SUGCT: variants seen among roughly 807,000 people sequenced by gnomAD.
The protein encoded by SUGCT is succinyl-CoA:glutarate-CoA transferase.
In SUGCT, 41 loss-of-function variants were observed where a neutral mutation model predicts 55.0. The ratio of observed to expected loss-of-function variants is 0.74; its 90% CI spans 0.58 to 0.97. SUGCT has a LOEUF of 0.97. SUGCT is among the 50% of genes least tolerant of loss of function. The pLI is 0.00. For synonymous variants in SUGCT, 187 were observed against 200.4 expected (o/e 0.93, Z 0.56); for missense variants, 568 against 547.8 (o/e 1.04, Z -0.37).
chr7:41,013,089 G>A, the SUGCT span, among the ~76,000 whole-genome samples: 3 of 151,496 alleles, frequency 2.0e-5, no homozygotes, highest in South Asian at 2.1e-4. Flanking sequence ...TAAATAAGAA[G>A]TCCACTTATG....
At chr7:40,658,288 G>C (rs774451865) in intron 12 of SUGCT, among the ~76,000 whole-genome samples, 2 of 152,080 alleles carry the variant, frequency 1.3e-5, no homozygotes, top group Non-Finnish European at 2.9e-5. Context: ...AATGGTCTTG[G>C]TTTTTTCCAG....
At chr7:40,492,534 A>C (rs1356549619) in intron 11 of SUGCT, among the ~76,000 whole-genome samples, 1 of 152,172 alleles carries the variant, frequency 6.6e-6, no homozygotes, top group Admixed American at 6.6e-5. Context: ...AGCACAGCAG[A>C]CAAGTTGCTT....
the SUGCT span, among the ~76,000 whole-genome samples, chr7:40,947,816 G>A: frequency 1.3e-5 from 2 of 152,118 alleles, no homozygotes; most frequent in South Asian, 4.1e-4. Context: ...CTCTTCATAT[G>A]TGCTAAGGGA....
At chr7:40,535,636 G>A (rs1406931605) in intron 12 of SUGCT, among the ~76,000 whole-genome samples, 1 of 152,104 alleles carries the variant, frequency 6.6e-6, no homozygotes, top group African/African-American at 2.4e-5. Context: ...AATCAGGGTT[G>A]GACTAAAAGT....
chr7:40,393,843 G>A (rs1785576450), intron 9 of SUGCT, among the ~76,000 whole-genome samples: 1 of 152,172 alleles, frequency 6.6e-6, no homozygotes, highest in Non-Finnish European at 1.5e-5. Flanking sequence ...TCAGCCATCT[G>A]GAGGAAGAAG....
chr7:40,669,761 T>C (rs922065753), intron 12 of SUGCT, among the ~76,000 whole-genome samples: 1 of 151,716 alleles, frequency 6.6e-6, no homozygotes, highest in Non-Finnish European at 1.5e-5. Context: ...GGACGACAGA[T>C]AGAAAATAGA....
intron 13 of SUGCT, among the ~76,000 whole-genome samples, chr7:40,750,322 C>T (rs567797047): frequency 1.3e-5 from 2 of 152,326 alleles, no homozygotes; most frequent in South Asian, 4.1e-4. Flanking sequence ...TTCATTGTGT[C>T]CATATTTTCT....
chr7:40,734,553 T>A (rs1446126039), intron 12 of SUGCT, among the ~76,000 whole-genome samples: 1 of 152,174 alleles, frequency 6.6e-6, no homozygotes, highest in Non-Finnish European at 1.5e-5. Flanking sequence ...CCTCTCACAC[T>A]CACTCTGTCC....
intron 9 of SUGCT, among the ~76,000 whole-genome samples, chr7:40,361,344 G>A (rs1477561152): frequency 6.6e-6 from 1 of 152,130 alleles, no homozygotes; most frequent in Non-Finnish European, 1.5e-5. Context: ...GGAGGCTGAG[G>A]TGGGTGGATC....
the SUGCT span, among the ~76,000 whole-genome samples, chr7:40,899,059 C>A: frequency 6.7e-6 from 1 of 150,186 alleles, no homozygotes; most frequent in Admixed American, 6.7e-5. Flanking sequence ...CTCCAAGCCA[C>A]TCTTGTAGAA....
intron 7 of SUGCT, among the ~76,000 whole-genome samples, chr7:40,246,029 C>A (rs4723937): frequency 0.15 from 23,387 of 151,822 alleles, 2,251 homozygotes; most frequent in South Asian, 0.22. Flanking sequence ...GAGATGGGGT[C>A]TCTCCATGAT....
At chr7:40,743,475 G>A (rs1787571885) in intron 12 of SUGCT, among the ~76,000 whole-genome samples, 1 of 152,136 alleles carries the variant, frequency 6.6e-6, no homozygotes, top group Admixed American at 6.6e-5. Flanking sequence ...CATATAGCAG[G>A]GGACAAAACA....
chr7:40,700,863 C>A (rs750615323), intron 12 of SUGCT, among the ~76,000 whole-genome samples: 4 of 152,116 alleles, frequency 2.6e-5, no homozygotes, highest in Admixed American at 2.6e-4. Flanking sequence ...AGACTAGATG[C>A]GACCCACAGT....
the SUGCT span, among the ~76,000 whole-genome samples, chr7:40,981,496 T>C: frequency 6.6e-6 from 1 of 152,240 alleles, no homozygotes; most frequent in Non-Finnish European, 1.5e-5. Context: ...ATACTCTTAG[T>C]GTTCTTTTCA....
the SUGCT span, among the ~76,000 whole-genome samples, chr7:40,932,084 C>T: frequency 7.2e-5 from 11 of 152,336 alleles, no homozygotes; most frequent in East Asian, 1.9e-4. Context: ...TCCCTCTACA[C>T]GCTGCTTTAA....
chr7:41,011,068 A>T, the SUGCT span, among the ~76,000 whole-genome samples: 1 of 152,340 alleles, frequency 6.6e-6, no homozygotes, highest in Non-Finnish European at 1.5e-5. Flanking sequence ...CTGAGGGCAG[A>T]AGCCTGGACC....
At chr7:40,358,028 C>T (rs1797962157) in intron 9 of SUGCT, among the ~76,000 whole-genome samples, 1 of 152,094 alleles carries the variant, frequency 6.6e-6, no homozygotes, top group Admixed American at 6.5e-5. Context: ...ATTTTGTTTC[C>T]CATTAAATCC....
At chr7:40,303,325 C>T (rs375060601) in intron 8 of SUGCT, among the ~76,000 whole-genome samples, 38 of 152,150 alleles carry the variant, frequency 2.5e-4, no homozygotes, top group African/African-American at 8.2e-4. Context: ...TGAGCCACCT[C>T]GCCCGGCCAA....
At chr7:40,758,794 TC>T (rs1429976156) in intron 13 of SUGCT, among the ~76,000 whole-genome samples, 1 of 152,084 alleles carries the variant, frequency 6.6e-6, no homozygotes, top group African/African-American at 2.4e-5. Flanking sequence ...TTGAAATGCT[TC>T]CCTAATTTGC....
Sources: gnomAD v4.1 joint callset for allele counts (sites outside exome capture counted in the v4.1 genomes callset) on GRCh38, gnomAD v4.1.1 for gene constraint, MANE v1.5 for transcripts, NCBI Gene and HGNC (gene_info 2026-07-23, HGNC 2026-07-21) for gene names.